CACNA2D1: variants seen among roughly 807,000 people sequenced by gnomAD.
The protein encoded by CACNA2D1 is voltage-dependent calcium channel subunit alpha-2/delta-1.
In CACNA2D1, 53 loss-of-function variants were observed where a neutral mutation model predicts 171.5. The observed-to-expected ratio is 0.31, with a 90% confidence interval of 0.25 to 0.39. The LOEUF is 0.39. Ranked by LOEUF, CACNA2D1 falls within the 10% of genes least tolerant of loss-of-function variation. The probability of loss-of-function intolerance (pLI) is 1.00; values close to 1 mark genes in which losing one functional copy is unlikely to be tolerated. For missense variants in CACNA2D1, 903 were observed against 1,299.8 expected, an observed-to-expected ratio of 0.69 and a Z score of 4.69; for synonymous variants, 442 against 443.1, an observed-to-expected ratio of 1.00 and a Z score of 0.03.
chr7:82,265,238 T>C (rs1807674548), intron 3 of CACNA2D1, among the ~76,000 whole-genome samples: 1 of 152,206 alleles, frequency 6.6e-6, no homozygotes, highest in Non-Finnish European at 1.5e-5. Context: ...AATCCACAGT[T>C]GAGCATCTGC....
chr7:82,158,858 A>C (rs1034878894), intron 4 of CACNA2D1, among the ~76,000 whole-genome samples: 2 of 151,862 alleles, frequency 1.3e-5, no homozygotes, highest in African/African-American at 2.4e-5. Context: ...AATAAGATAG[A>C]CTTTATGTTA....
intron 6 of CACNA2D1, among the ~76,000 whole-genome samples, chr7:82,109,634 T>C (rs1285284736): frequency 6.6e-6 from 1 of 152,210 alleles, no homozygotes; most frequent in Non-Finnish European, 1.5e-5. Context: ...TATTTGACTG[T>C]TGTTCATGAA....
At chr7:82,170,452 A>G in intron 4 of CACNA2D1, 98 bp downstream of exon 4, 7 of 977,176 alleles carry the variant, frequency 7.2e-6, no homozygotes, top group East Asian at 2.4e-5. Flanking sequence ...CCACAACATC[A>G]TAAGATTCCA....
At chr7:82,039,957 T>C (rs1803741498) in intron 10 of CACNA2D1, among the ~76,000 whole-genome samples, 1 of 152,154 alleles carries the variant, frequency 6.6e-6, no homozygotes, top group Non-Finnish European at 1.5e-5. Flanking sequence ...TTCTGTGAAA[T>C]GGAAAGTCAC....
intron 10 of CACNA2D1, among the ~76,000 whole-genome samples, chr7:82,042,009 G>C (rs569664357): frequency 1.3e-5 from 2 of 152,286 alleles, no homozygotes; most frequent in South Asian, 4.1e-4. Flanking sequence ...ATCTCATTAA[G>C]TGACTTTAAC....
At chr7:82,394,590 C>A (rs1454355314) in intron 1 of CACNA2D1, among the ~76,000 whole-genome samples, 1 of 152,122 alleles carries the variant, frequency 6.6e-6, no homozygotes, top group East Asian at 1.9e-4. Flanking sequence ...AAAAATGAAT[C>A]ATTCCTGAAG....
chr7:82,359,836 T>TA (rs1294482441), intron 1 of CACNA2D1, among the ~76,000 whole-genome samples: 1 of 152,210 alleles, frequency 6.6e-6, no homozygotes, highest in Non-Finnish European at 1.5e-5. Flanking sequence ...GTTCTGAACA[T>TA]ACAGTGGCTA....
At chr7:82,070,732 G>A (rs1181361627) in intron 7 of CACNA2D1, among the ~76,000 whole-genome samples, 1 of 152,160 alleles carries the variant, frequency 6.6e-6, no homozygotes, top group African/African-American at 2.4e-5. Context: ...TGTAGTCCCT[G>A]GCTAGGGAGT....
At chr7:82,223,438 T>A (rs1802007608) in intron 3 of CACNA2D1, among the ~76,000 whole-genome samples, 2 of 152,196 alleles carry the variant, frequency 1.3e-5, no homozygotes, top group South Asian at 2.1e-4. Context: ...AGTTTACTTA[T>A]CCTAGCAAAG....
chr7:81,970,764 T>C, intron 26 of CACNA2D1, 27 bp from the exon 27 acceptor site: 2 of 1,414,596 alleles, frequency 1.4e-6, no homozygotes, highest in African/African-American at 1.4e-5. Context: ...AACAAGGAAA[T>C]GTTCTATTGA....
chr7:82,326,537 C>T (rs1816671600), intron 3 of CACNA2D1, among the ~76,000 whole-genome samples: 1 of 152,146 alleles, frequency 6.6e-6, no homozygotes, highest in Non-Finnish European at 1.5e-5. Flanking sequence ...ATGGAAAGTG[C>T]CTAGCAAAGC....
intron 2 of CACNA2D1, among the ~76,000 whole-genome samples, chr7:82,349,043 G>A (rs371385774): frequency 7.2e-5 from 11 of 152,070 alleles, no homozygotes; most frequent in East Asian, 3.9e-4. Flanking sequence ...AAGAAAAATC[G>A]TCTTTTATAG....
At chr7:81,968,805 G>T in intron 29 of CACNA2D1, 82 bp downstream of exon 29, 1 of 815,928 alleles carries the variant, frequency 1.2e-6, no homozygotes, top group Non-Finnish European at 2.1e-6. Flanking sequence ...TGACCTTCTT[G>T]ATAAACATTG....
At chr7:82,408,761 C>G (rs1437317825) in intron 1 of CACNA2D1, among the ~76,000 whole-genome samples, 2 of 152,120 alleles carry the variant, frequency 1.3e-5, no homozygotes, top group Non-Finnish European at 2.9e-5. Context: ...TGAAAGCTAC[C>G]ATTTTACATA....
At chr7:81,979,228 A>C (rs1332493649) in intron 24 of CACNA2D1, among the ~76,000 whole-genome samples, 1 of 152,122 alleles carries the variant, frequency 6.6e-6, no homozygotes, top group Non-Finnish European at 1.5e-5. Context: ...TCTCTTTATG[A>C]TGATGAAAAT....
At chr7:82,277,355 C>A (rs1563298331) in intron 3 of CACNA2D1, among the ~76,000 whole-genome samples, 1 of 152,062 alleles carries the variant, frequency 6.6e-6, no homozygotes, top group African/African-American at 2.4e-5. Flanking sequence ...GTGCCCACCA[C>A]CACGCCCAGA....
chr7:82,175,532 G>C (rs1249266295), intron 3 of CACNA2D1, among the ~76,000 whole-genome samples: 1 of 151,962 alleles, frequency 6.6e-6, no homozygotes, highest in Non-Finnish European at 1.5e-5. Context: ...ATATCAAAAG[G>C]ATCAGGATAA....
intron 4 of CACNA2D1, among the ~76,000 whole-genome samples, chr7:82,166,823 G>A (rs1795503612): frequency 1.3e-5 from 2 of 152,136 alleles, no homozygotes; most frequent in East Asian, 1.9e-4. Flanking sequence ...TAGGGTGTAC[G>A]CCCTTTGTTC....
chr7:82,443,832 AGGCGGG>A (rs1195643603), upstream of CACNA2D1: 3 of 365,246 alleles, frequency 8.2e-6, no homozygotes, highest in Non-Finnish European at 1.1e-5. Flanking sequence ...GCGAAGGCGG[AGGCGGG>A]GGCGGGGGCG....
Sources: allele counts gnomAD v4.1 joint callset (sites outside exome capture counted in the v4.1 genomes callset), GRCh38; gene constraint gnomAD v4.1.1; transcripts MANE v1.5; gene names NCBI Gene and HGNC (gene_info 2026-07-23, HGNC 2026-07-21).